Variants in BAIAP2 observed in about 807,000 individuals in gnomAD.
BAIAP2 encodes BAR/IMD domain containing adaptor protein 2.
BAIAP2 carries 18 observed loss-of-function variants against 63.0 expected under a neutral mutation model. The observed-to-expected ratio is 0.29, with a 90% CI of 0.20 to 0.42. The LOEUF is 0.42. Ranked by LOEUF, BAIAP2 falls within the 10% of genes least tolerant of loss-of-function variation. The pLI is 1.00. For synonymous variants in BAIAP2, 386 were observed against 307.6 expected (o/e 1.25, Z -2.67); for missense variants, 610 against 734.3 (o/e 0.83, Z 1.96).
At chr17:81,076,587 C>A (rs1451607881) in intron 3 of BAIAP2, 2 of 152,238 alleles carry the variant, frequency 1.3e-5, no homozygotes, top group Non-Finnish European at 2.9e-5. Flanking sequence ...AAGAGCTGTT[C>A]TTGCAGCAGC....
At chr17:81,055,202 T>TA (rs1185722187) in intron 2 of BAIAP2, among the ~76,000 whole-genome samples, 4 of 152,322 alleles carry the variant, frequency 2.6e-5, no homozygotes, top group Admixed American at 2.0e-4. Flanking sequence ...GTTCCTTTTT[T>TA]ACCACCTTTA....
chr17:81,103,776 G>T, intron 8 of BAIAP2, 53 bp downstream of exon 8: 1 of 1,535,104 alleles, frequency 6.5e-7, no homozygotes, highest in East Asian at 2.2e-5. Context: ...AGGGCAGCTT[G>T]TTGTCAGGGC....
intron 3 of BAIAP2, among the ~76,000 whole-genome samples, chr17:81,064,971 T>A (rs976422436): frequency 1.3e-5 from 2 of 152,362 alleles, no homozygotes; most frequent in Middle Eastern, 3.4e-3. Context: ...CTTGGCTGTC[T>A]GCTGGCTGAC....
At chr17:81,060,562 A>G (rs935145045) in intron 3 of BAIAP2, among the ~76,000 whole-genome samples, 5 of 152,228 alleles carry the variant, frequency 3.3e-5, no homozygotes, top group Non-Finnish European at 7.3e-5. Flanking sequence ...TCCATTGCAC[A>G]GGCAGACCCA....
At chr17:81,049,243 C>T (rs2048301200) in intron 1 of BAIAP2, among the ~76,000 whole-genome samples, 1 of 152,196 alleles carries the variant, frequency 6.6e-6, no homozygotes, top group Non-Finnish European at 1.5e-5. Flanking sequence ...CATGGGGTCA[C>T]AGAACGTGGG....
At chr17:81,071,293 GC>G (rs1355697336) in intron 3 of BAIAP2, among the ~76,000 whole-genome samples, 1 of 152,140 alleles carries the variant, frequency 6.6e-6, no homozygotes, top group Non-Finnish European at 1.5e-5. Context: ...TGGTCCCCTG[GC>G]CCCTGTGGGG....
chr17:81,078,720 G>A (rs1163758447), intron 3 of BAIAP2, among the ~76,000 whole-genome samples: 1 of 152,008 alleles, frequency 6.6e-6, no homozygotes, highest in African/African-American at 2.4e-5. Flanking sequence ...TGTCATCTCG[G>A]GTGGGAGCTG....
chr17:81,058,123 G>C (rs1245878496), intron 3 of BAIAP2, among the ~76,000 whole-genome samples, 156 bp downstream of exon 3: 1 of 152,204 alleles, frequency 6.6e-6, no homozygotes, highest in African/African-American at 2.4e-5. Context: ...GAGCTGCCTT[G>C]TGGGGCACAC....
Position 81,116,471 on chromosome 17 carries a change from C to A in BAIAP2, c.*632C>A. The A allele has an allele frequency of 1.1e-6, 1 of 904,034 alleles. No individual in the cohort carries two copies. The highest frequency in any genetic ancestry group is 1.6e-6 in the Non-Finnish European group (1 of 611,572). The allele number at this position is 904,034 out of a possible 1,614,324, so 56.0% of individuals were successfully genotyped here. A position where few individuals can be genotyped will look rare whatever the true frequency, so the allele number is the denominator to read the frequency against. On this transcript the variant is annotated 3_prime_UTR_variant, in exon 14 of 14. Coordinates refer to ENST00000428708, the MANE Select transcript of BAIAP2 (RefSeq NM_001144888.2). ...CCTCCTGCCTCGGGCAGGCCCCAGCCCTCCTCCTTACCCAACCTCCCATCC... is the reference window on the plus strand; with the variant it reads ...CCTCCTGCCTCGGGCAGGCCCCAGCACTCCTCCTTACCCAACCTCCCATCC...
intron 3 of BAIAP2, among the ~76,000 whole-genome samples, chr17:81,070,662 G>A (rs975496370): frequency 6.6e-6 from 1 of 152,162 alleles, no homozygotes; most frequent in Non-Finnish European, 1.5e-5. Flanking sequence ...GAAGGTGTCG[G>A]GTTAGCTCAG....
chr17:81,040,457 G>T (rs571799175), intron 1 of BAIAP2, among the ~76,000 whole-genome samples: 1 of 152,378 alleles, frequency 6.6e-6, no homozygotes, highest in East Asian at 1.9e-4. Flanking sequence ...GCTGCACAAT[G>T]ACTTGAGGGG....
At chr17:81,078,387 G>A (rs1435011820) in intron 3 of BAIAP2, among the ~76,000 whole-genome samples, 1 of 148,108 alleles carries the variant, frequency 6.8e-6, no homozygotes, top group African/African-American at 2.5e-5. Flanking sequence ...GGGTGCGGGT[G>A]CCGTATTGGG....
intron 1 of BAIAP2, among the ~76,000 whole-genome samples, chr17:81,038,885 A>G: frequency 1.1e-5 from 1 of 91,834 alleles, no homozygotes; most frequent in African/African-American, 4.5e-5. Context: ...CTGGCATTGG[A>G]GTCGCCTTCC....
At chr17:81,066,166 C>CCGCT (rs1488166521) in intron 3 of BAIAP2, among the ~76,000 whole-genome samples, 3 of 152,252 alleles carry the variant, frequency 2.0e-5, no homozygotes, top group Non-Finnish European at 4.4e-5. Flanking sequence ...TTTGAAGAGG[C>CCGCT]CGCTGTGTAC....
At position 81,116,131 on chromosome 17, in the gene BAIAP2, C is replaced by CTGAG. The variant is rs2060517841; in HGVS notation, c.*294_*297dup. 3.2e-6 allele frequency: 5 copies of CTGAG among 1,583,170 alleles called. No homozygotes were observed. The stretch of plus-strand genomic sequence containing the variant: ...CATGGCCATGGAGCCTTGGGTACCC[C>CTGAG]TGAGTTAAGGGAGGACATTTGGCCA... On this transcript the variant is annotated 3_prime_UTR_variant, in exon 14 of 14. Transcript: ENST00000428708.
Position 81,116,281 on chromosome 17 carries a change from C to G in BAIAP2, c.*442C>G. The stretch of plus-strand genomic sequence containing the variant: ...AAGGCCGGGAGCACGGGGATGGGAG[C>G]GCCCGCACCCTGGCTGGAAGATGAA... On this transcript the variant is annotated 3_prime_UTR_variant, in exon 14 of 14. Coordinates refer to ENST00000428708, the MANE Select transcript of BAIAP2 (RefSeq NM_001144888.2). 1 of 1,612,866 alleles carries G rather than the reference C, an allele frequency of 6.2e-7. No homozygotes were observed. The highest frequency in any genetic ancestry group is 8.5e-7 in the Non-Finnish European group (1 of 1,179,930).
rs186212121 is a variant in BAIAP2, at chr17:81,063,483, G to T, written c.217+5516G>T. On this transcript the variant is annotated intron_variant, in intron 3 of 13. Coordinates refer to ENST00000428708, the MANE Select transcript of BAIAP2 (RefSeq NM_001144888.2). The stretch of plus-strand genomic sequence containing the variant: ...TCTGGATGAGCTCGAGGCCCAAGGG[G>T]CCCTGAGGCTGAGCTCTCCTGCGGG... Among the ~76,000 whole-genome samples the T allele has an allele frequency of 1.6e-3, 237 of 152,362 alleles. 2 individuals carry two copies. The highest frequency in any genetic ancestry group is 5.4e-3 in the Admixed American group (82 of 15,310).
intron 3 of BAIAP2, among the ~76,000 whole-genome samples, chr17:81,066,724 A>G (rs574889183): frequency 1.3e-3 from 194 of 152,218 alleles, no homozygotes; most frequent in African/African-American, 4.3e-3. Flanking sequence ...GCACCATCTC[A>G]TGTCACTCAC....
At chr17:81,052,359 G>T (rs1273942687) in intron 1 of BAIAP2, among the ~76,000 whole-genome samples, 1 of 152,252 alleles carries the variant, frequency 6.6e-6, no homozygotes, top group Non-Finnish European at 1.5e-5. Flanking sequence ...GGTCGATGCT[G>T]CATCCCCCAC....
Sources: gnomAD v4.1 joint callset for allele counts (sites outside exome capture counted in the v4.1 genomes callset) on GRCh38, gnomAD v4.1.1 for gene constraint, MANE v1.5 for transcripts, NCBI Gene and HGNC (gene_info 2026-07-23, HGNC 2026-07-21) for gene names.